The following PPM1H variants were observed in gnomAD, a reference collection of about 807,000 sequenced individuals.
PPM1H encodes the protein protein phosphatase 1H.
Under a neutral mutation model 54.9 loss-of-function variants are expected in PPM1H, and 27 were observed. That is an observed-to-expected ratio of 0.49 (90% CI 0.36 to 0.68). The LOEUF (loss-of-function observed/expected upper bound fraction) is 0.68. Among genes scored for constraint, PPM1H ranks in the 30% least tolerant of loss-of-function variants. PPM1H has a pLI of 0.00. For missense variants in PPM1H, 596 were observed against 667.8 expected (o/e 0.89, Z 1.19); for synonymous variants, 305 against 270.8 (o/e 1.13, Z -1.24).
chr12:62,682,507 G>GGTGCACCAC (rs2076024487), intron 8 of PPM1H, among the ~76,000 whole-genome samples: 1 of 152,148 alleles, frequency 6.6e-6, no homozygotes, highest in African/African-American at 2.4e-5. Context: ...CCCAAAAAAA[G>GGTGCACCAC]TAGGAATTCT....
At chr12:62,805,442 C>T (rs569896265) in intron 2 of PPM1H, among the ~76,000 whole-genome samples, 1 of 152,300 alleles carries the variant, frequency 6.6e-6, no homozygotes, top group East Asian at 1.9e-4. Flanking sequence ...CTGAAACAAC[C>T]TTAGCATCCA....
intron 2 of PPM1H, among the ~76,000 whole-genome samples, chr12:62,820,485 C>T (rs2076896667): frequency 6.6e-6 from 1 of 152,216 alleles, no homozygotes; most frequent in African/African-American, 2.4e-5. Flanking sequence ...TGGGAGGCAC[C>T]TCCCATTAGG....
intron 6 of PPM1H, among the ~76,000 whole-genome samples, chr12:62,716,059 G>A (rs887409417): frequency 6.6e-6 from 1 of 152,162 alleles, no homozygotes; most frequent in Non-Finnish European, 1.5e-5. Flanking sequence ...CAAAAAGTCA[G>A]AAACCTGGAT....
chr12:62,657,355 T>G (rs778775790), intron 9 of PPM1H, among the ~76,000 whole-genome samples: 2 of 152,206 alleles, frequency 1.3e-5, no homozygotes, highest in Non-Finnish European at 2.9e-5. Context: ...TGGGAAGCCC[T>G]GTAAAACATC....
intron 5 of PPM1H, among the ~76,000 whole-genome samples, chr12:62,723,670 A>C (rs779281449): frequency 3.9e-5 from 6 of 152,208 alleles, no homozygotes; most frequent in Non-Finnish European, 7.3e-5. Flanking sequence ...GAACTGTGAT[A>C]AATTTTGTTC....
At chr12:62,890,240 C>T (rs576178399) in intron 1 of PPM1H, among the ~76,000 whole-genome samples, 2 of 152,218 alleles carry the variant, frequency 1.3e-5, no homozygotes, top group South Asian at 2.1e-4. Flanking sequence ...GTAGAAGGAT[C>T]GCTTGATCCC....
chr12:62,797,546 T>C (rs567838771), intron 3 of PPM1H, among the ~76,000 whole-genome samples: 41 of 152,312 alleles, frequency 2.7e-4, no homozygotes, highest in Admixed American at 5.2e-4. Context: ...TGTCCTGCTA[T>C]AGACAGCTGT....
intron 6 of PPM1H, among the ~76,000 whole-genome samples, chr12:62,713,890 C>T (rs771994603): frequency 7.9e-5 from 12 of 151,962 alleles, no homozygotes; most frequent in Non-Finnish European, 1.6e-4. Context: ...ATCACTTGAG[C>T]CCGGGAGGTT....
intron 3 of PPM1H, among the ~76,000 whole-genome samples, chr12:62,793,740 CAAA>C (rs34457644): frequency 3.6e-4 from 22 of 61,222 alleles, no homozygotes; most frequent in Admixed American, 3.0e-3. Context: ...AACTCCGTTT[CAAA>C]AAAAAAAAAA....
chr12:62,673,887 T>G (rs2075971492), intron 8 of PPM1H, among the ~76,000 whole-genome samples: 1 of 151,534 alleles, frequency 6.6e-6, no homozygotes, highest in South Asian at 2.1e-4. Context: ...CACCTATACT[T>G]TTTTACTTTT....
At chr12:62,761,623 C>T (rs912302163) in intron 4 of PPM1H, among the ~76,000 whole-genome samples, 8 of 152,128 alleles carry the variant, frequency 5.3e-5, no homozygotes, top group African/African-American at 1.7e-4. Context: ...CTCATTGCCC[C>T]AGCCTTATAG....
chr12:62,650,023 GT>G (rs1742315012), intron 9 of PPM1H, among the ~76,000 whole-genome samples: 2 of 152,184 alleles, frequency 1.3e-5, no homozygotes, highest in Non-Finnish European at 2.9e-5. Context: ...TACTTGGAAT[GT>G]TTCAGTAGTC....
At chr12:62,710,861 T>C (rs2076203536) in intron 6 of PPM1H, among the ~76,000 whole-genome samples, 1 of 152,218 alleles carries the variant, frequency 6.6e-6, no homozygotes, top group African/African-American at 2.4e-5. Context: ...CAGCAGCAGC[T>C]CTTGCTGACC....
In PPM1H at chr12:62,759,391, C is replaced by G. The variant is rs142002278; in HGVS notation, c.870-21805G>C. 3.9e-3 allele frequency among the ~76,000 whole-genome samples: 601 copies of G among 152,336 alleles called. 5 individuals are homozygous for G. Among genetic ancestry groups the G allele is most frequent in the African/African-American group, 0.014 (578 of 41,556 alleles). On this transcript the variant is annotated intron_variant, in intron 4 of 9. Transcript: ENST00000228705. ...TTACTCTCTTCTCCAACCTCTCTCA[C>G]TATCCCTCAACCTCTTTCTCCTTTC...
At chr12:62,717,210 T>A (rs1400522726) in intron 6 of PPM1H, among the ~76,000 whole-genome samples, 1 of 152,220 alleles carries the variant, frequency 6.6e-6, no homozygotes, top group East Asian at 1.9e-4. Flanking sequence ...TAAGTCCTAT[T>A]TTCAAATCAA....
intron 8 of PPM1H, among the ~76,000 whole-genome samples, chr12:62,680,510 T>A (rs1294210895): frequency 2.0e-5 from 3 of 152,112 alleles, no homozygotes; most frequent in Non-Finnish European, 4.4e-5. Context: ...ACTCTTAGAA[T>A]ATTTCCTCTC....
chr12:62,817,169 A>G (rs1310888471), intron 2 of PPM1H, among the ~76,000 whole-genome samples: 1 of 145,872 alleles, frequency 6.9e-6, no homozygotes, highest in Non-Finnish European at 1.5e-5. Context: ...AAGAAAAAAA[A>G]AAAAAAAAAC....
intron 6 of PPM1H, among the ~76,000 whole-genome samples, chr12:62,710,952 A>C (rs1276029670): frequency 1.3e-5 from 2 of 152,152 alleles, no homozygotes; most frequent in Admixed American, 6.5e-5. Flanking sequence ...TGTTCAATGC[A>C]CTCAACCTTA....
intron 2 of PPM1H, among the ~76,000 whole-genome samples, chr12:62,828,891 A>G (rs367826585): frequency 6.6e-6 from 1 of 152,134 alleles, no homozygotes; most frequent in Non-Finnish European, 1.5e-5. Flanking sequence ...AACCAAAAGT[A>G]CAGTGAAATA....
Sources: gnomAD v4.1 joint callset for allele counts (sites outside exome capture counted in the v4.1 genomes callset) on GRCh38, gnomAD v4.1.1 for gene constraint, MANE v1.5 for transcripts, NCBI Gene and HGNC (gene_info 2026-07-23, HGNC 2026-07-21) for gene names.